The following CHD7 variants were observed in gnomAD, a reference collection of about 807,000 sequenced individuals.
CHD7 encodes ATP-dependent chromatin remodeler CHD7.
CHD7 carries 24 observed loss-of-function variants against 307.3 expected under a neutral mutation model. The ratio of observed to expected loss-of-function variants is 0.08; its 90% confidence interval spans 0.06 to 0.11. The LOEUF (loss-of-function observed/expected upper bound fraction) is 0.11. CHD7 is among the 10% of genes least tolerant of loss of function. CHD7 has a pLI of 1.00. For synonymous variants in CHD7, 1,363 were observed against 1,349.9 expected, an observed-to-expected ratio of 1.01 and a Z score of -0.21; for missense variants, 3,106 against 3,727.1, an observed-to-expected ratio of 0.83 and a Z score of 4.34.
At chr8:60,859,198 G>T (rs1014468280) in intron 34 of CHD7, among the ~76,000 whole-genome samples, 8 of 152,042 alleles carry the variant, frequency 5.3e-5, no homozygotes, top group South Asian at 2.1e-4. Context: ...GTTGTCGGGG[G>T]TGATGTGCAT....
At chr8:60,803,981 T>C (rs1201789389) in intron 6 of CHD7, among the ~76,000 whole-genome samples, 2 of 152,170 alleles carry the variant, frequency 1.3e-5, no homozygotes, top group African/African-American at 4.8e-5. Context: ...CTGCATGGTG[T>C]TGACCCAGAG....
rs547433900 is a variant in CHD7, at chr8:60,759,312, G to T, written c.1665+16215G>T. Among the ~76,000 whole-genome samples the T allele has an allele frequency of 4.6e-5, 7 of 152,306 alleles. No homozygotes were observed. In the East Asian group the frequency reaches 1.2e-3, roughly 25 times the overall value. The stretch of plus-strand genomic sequence containing the variant: ...GTCAGATAGCCTGTGAGAGAAGGCA[G>T]CGAATGGATTGGTTTTTGCTCTTAA... On this transcript the variant is annotated intron_variant, in intron 2 of 37. Transcript: ENST00000423902.
intron 35 of CHD7, 157 bp downstream of exon 35, chr8:60,861,282 T>C (rs1361685423): frequency 1.7e-6 from 1 of 598,946 alleles, no homozygotes; most frequent in Non-Finnish European, 2.9e-6. Flanking sequence ...TGAATCTTCT[T>C]CATTACAGAT....
Position 60,822,010 on chromosome 8 carries a change from T to C in CHD7, c.2836-14T>C. On this transcript the variant is annotated splice_polypyrimidine_tract_variant and intron_variant, in intron 10 of 37. Coordinates refer to ENST00000423902, the MANE Select transcript of CHD7 (RefSeq NM_017780.4). Reference sequence around the variant, plus strand: ...TTGGGAAACCACTAATGGGATTTACTATATTTGAAACAGGAGCGACCTCCT... The same window carrying C: ...TTGGGAAACCACTAATGGGATTTACCATATTTGAAACAGGAGCGACCTCCT... 1 of 1,613,792 alleles carries C rather than the reference T, an allele frequency of 6.2e-7. No homozygotes were observed. Among genetic ancestry groups the C allele is most frequent in the Non-Finnish European group, 8.5e-7 (1 of 1,179,778 alleles).
chr8:60,695,454 T>C (rs1318306884), intron 1 of CHD7, among the ~76,000 whole-genome samples: 1 of 152,210 alleles, frequency 6.6e-6, no homozygotes, highest in Non-Finnish European at 1.5e-5. Flanking sequence ...ACAGTGATAA[T>C]AGCACAAGAG....
At chr8:60,816,816 A>T (rs1455762685) in intron 8 of CHD7, among the ~76,000 whole-genome samples, 1 of 152,240 alleles carries the variant, frequency 6.6e-6, no homozygotes. Context: ...ATTGAGATTT[A>T]GCAGGTTAAG....
intron 2 of CHD7, among the ~76,000 whole-genome samples, chr8:60,764,733 G>A (rs563671004): frequency 2.6e-5 from 4 of 152,204 alleles, no homozygotes; most frequent in Non-Finnish European, 4.4e-5. Flanking sequence ...CAGTTACCAT[G>A]TAGTGATGTA....
In CHD7 at chr8:60,853,035, G is replaced by A; in HGVS notation, c.6310G>A (p.Ala2104Thr). Reference sequence around the variant, plus strand: ...GCATGACCGAGACTTGCTGGTTGGTGCTGCTAAACACGGGGTCAGTCGGAC... The same window carrying A: ...GCATGACCGAGACTTGCTGGTTGGTACTGCTAAACACGGGGTCAGTCGGAC... The part of the protein sequence containing the change: ...GRHDRDLLVG[A>T]AKHGVSRTDY... The change falls in exon 31 of 38, where the codon GCT becomes ACT. Residue 2104 changes from alanine (A) to threonine (T), a missense_variant. Around this residue, in one of 10 missense-constraint regions of CHD7, gnomAD observed 1,030 missense variants for 1,165.4 expected, o/e 0.88. Coordinates refer to ENST00000423902, the MANE Select transcript of CHD7 (RefSeq NM_017780.4). 1 of 1,614,000 alleles carries A rather than the reference G, an allele frequency of 6.2e-7. No individual in the cohort carries two copies. Among genetic ancestry groups the A allele is most frequent in the Non-Finnish European group, 8.5e-7 (1 of 1,179,892 alleles).
chr8:60,804,361 G>A (rs1390330881), intron 6 of CHD7, among the ~76,000 whole-genome samples: 1 of 151,964 alleles, frequency 6.6e-6, no homozygotes, highest in Admixed American at 6.6e-5. Context: ...GTATCAGAAG[G>A]CCAAAAGTAG....
At chr8:60,819,550 G>T (rs1471290029) in intron 8 of CHD7, among the ~76,000 whole-genome samples, 1 of 152,188 alleles carries the variant, frequency 6.6e-6, no homozygotes, top group Non-Finnish European at 1.5e-5. Context: ...TGCTTGCAGT[G>T]TATTTGGCTT....
intron 1 of CHD7, among the ~76,000 whole-genome samples, chr8:60,697,632 A>G (rs78619454): frequency 2.6e-5 from 4 of 152,182 alleles, no homozygotes; most frequent in African/African-American, 9.7e-5. Context: ...TGATACATTG[A>G]AATGCCAAAA....
intron 2 of CHD7, among the ~76,000 whole-genome samples, chr8:60,745,752 G>A (rs1410338344): frequency 6.6e-6 from 1 of 152,168 alleles, no homozygotes; most frequent in Non-Finnish European, 1.5e-5. Flanking sequence ...AAGTTAGAAA[G>A]ATATGTGGAC....
At chr8:60,769,932 A>G (rs746170451) in intron 2 of CHD7, among the ~76,000 whole-genome samples, 13 of 152,256 alleles carry the variant, frequency 8.5e-5, no homozygotes, top group Non-Finnish European at 1.3e-4. Context: ...GGAAACTTCA[A>G]GAACACACTG....
chr8:60,687,919 G>T (rs1805994105), intron 1 of CHD7, among the ~76,000 whole-genome samples: 1 of 152,344 alleles, frequency 6.6e-6, no homozygotes, highest in South Asian at 2.1e-4. Flanking sequence ...ACGTAGACCA[G>T]CTCTGGAGCT....
At chr8:60,810,574 T>C (rs930718303) in intron 7 of CHD7, among the ~76,000 whole-genome samples, 14 of 152,162 alleles carry the variant, frequency 9.2e-5, no homozygotes, top group Admixed American at 2.0e-4. Flanking sequence ...GTAATTCCCT[T>C]CTTCAACCAG....
chr8:60,820,806 ACT>A (rs1803993492), intron 9 of CHD7, among the ~76,000 whole-genome samples: 1 of 152,026 alleles, frequency 6.6e-6, no homozygotes, highest in Non-Finnish European at 1.5e-5. Context: ...GTGTCATGAC[ACT>A]CTATGATGTT....
intron 21 of CHD7, among the ~76,000 whole-genome samples, chr8:60,842,779 T>A (rs1029751180): frequency 6.6e-6 from 1 of 152,196 alleles, no homozygotes; most frequent in African/African-American, 2.4e-5. Context: ...TTACCATTAG[T>A]TTCAGAGTAA....
intron 1 of CHD7, among the ~76,000 whole-genome samples, chr8:60,689,860 A>G (rs1396671890): frequency 6.6e-6 from 1 of 152,246 alleles, no homozygotes; most frequent in Admixed American, 6.5e-5. Flanking sequence ...AGCTTATTAC[A>G]GAATTGACTT....
chr8:60,708,649 A>G (rs1431518671), intron 1 of CHD7, among the ~76,000 whole-genome samples: 3 of 151,902 alleles, frequency 2.0e-5, no homozygotes, highest in African/African-American at 7.3e-5. Context: ...ATCCCTAAAC[A>G]CTCAGTCGTT....
Sources: allele counts gnomAD v4.1 joint callset (sites outside exome capture counted in the v4.1 genomes callset), GRCh38; gene constraint gnomAD v4.1.1; regional missense constraint gnomAD v4.1.1; transcripts MANE v1.5; gene names NCBI Gene and HGNC (gene_info 2026-07-23, HGNC 2026-07-21).